Variants in ZMYND19 observed in about 807,000 individuals in gnomAD.
ZMYND19 encodes zinc finger MYND domain-containing protein 19.
Under a neutral mutation model 32.0 loss-of-function variants are expected in ZMYND19, and 17 were observed. The observed-to-expected ratio is 0.53, with a 90% CI of 0.36 to 0.80. The LOEUF is 0.80. ZMYND19 is among the 30% of genes least tolerant of loss of function. ZMYND19 has a pLI of 0.00. For missense variants in ZMYND19, 250 were observed against 293.6 expected, an observed-to-expected ratio of 0.85 and a Z score of 1.09; for synonymous variants, 124 against 113.6, an observed-to-expected ratio of 1.09 and a Z score of -0.58.
Position 137,586,637 on chromosome 9 carries a change from G to A in ZMYND19, c.359+330C>T, listed in dbSNP as rs111684859. 1.7e-4 allele frequency among the ~76,000 whole-genome samples: 26 copies of A among 152,286 alleles called. 1 individual carries two copies. The highest frequency in any genetic ancestry group is 4.8e-4 in the African/African-American group (20 of 41,546). On this transcript the variant is annotated intron_variant, in intron 4 of 5. Coordinates refer to ENST00000298585, the MANE Select transcript of ZMYND19 (RefSeq NM_138462.3). ...AAGGCTGATGCCTCCCAGGGGTGTG[G>A]GGCAGAAGCCCTGCTCACACCGAGT...
intron 4 of ZMYND19, among the ~76,000 whole-genome samples, chr9:137,586,550 G>C (rs1842207175): frequency 6.6e-6 from 1 of 151,658 alleles, no homozygotes; most frequent in African/African-American, 2.4e-5. Context: ...GGAATCCTGA[G>C]GTGAGAGAAG....
At chr9:137,589,521 C>T in intron 1 of ZMYND19, 4 of 985,480 alleles carry the variant, frequency 4.1e-6, no homozygotes, top group Non-Finnish European at 4.8e-6. Context: ...GCACAGGTGG[C>T]TCCGAGAAAC....
chr9:137,584,851 T>TG (rs1462384641), intron 4 of ZMYND19, among the ~76,000 whole-genome samples: 1 of 152,026 alleles, frequency 6.6e-6, no homozygotes, highest in East Asian at 1.9e-4. Flanking sequence ...GAGCCGGGAG[T>TG]GGGGGCGCAG....
Position 137,588,252 on chromosome 9 carries a change from C to T in ZMYND19, c.111+407G>A, listed in dbSNP as rs370176432. Among the ~76,000 whole-genome samples the T allele has an allele frequency of 8.3e-4, 127 of 152,262 alleles. 1 individual carries two copies. Among genetic ancestry groups the T allele is most frequent in the African/African-American group, 2.9e-3 (120 of 41,560 alleles). ...AGGAAGACCCCATGAGAGCAGAGAA[C>T]GGGAGGCAGCTGGGCAGCCAGGAGG... On this transcript the variant is annotated intron_variant, in intron 2 of 5. Coordinates refer to ENST00000298585, the MANE Select transcript of ZMYND19 (RefSeq NM_138462.3).
At chr9:137,587,446 C>T (rs1033143804) in intron 3 of ZMYND19, 9 of 593,046 alleles carry the variant, frequency 1.5e-5, no homozygotes, top group East Asian at 1.4e-4. Context: ...CGGGGGGGCT[C>T]GGCAAAACCC....
At chr9:137,588,939 G>A (rs190891012) in intron 1 of ZMYND19, 35 of 550,158 alleles carry the variant, frequency 6.4e-5, no homozygotes, top group Non-Finnish European at 9.8e-6. Context: ...TTAAAAGCCA[G>A]CTGCCCACTT....
intron 1 of ZMYND19, chr9:137,589,837 C>A (rs1842250364): frequency 1.0e-6 from 1 of 985,490 alleles, no homozygotes; most frequent in Non-Finnish European, 1.2e-6. Context: ...TGTGGCCGCA[C>A]TGGCAGCCCG....
intron 1 of ZMYND19, chr9:137,589,306 C>G (rs1842242368): frequency 1.0e-6 from 1 of 983,524 alleles, no homozygotes; most frequent in Non-Finnish European, 1.2e-6. Context: ...CAGGCCCTGC[C>G]TATGCTCTTG....
At position 137,583,038 on chromosome 9, in the gene ZMYND19, T is replaced by A; in HGVS notation, c.485A>T (p.Asn162Ile). The A allele has an allele frequency of 6.2e-7, 1 of 1,614,118 alleles. No homozygotes were observed. The highest frequency in any genetic ancestry group is 1.1e-5 in the South Asian group (1 of 91,084). Reference protein sequence around the residue: ...ANGDVVEEEENSCTYYECHYP... With the variant: ...ANGDVVEEEEISCTYYECHYP... ...GTGGCACTCATAGTAGGTGCAAGAG[T>A]TCTCCTCCTCTTCCACTACATCCCC... Residue 162 changes from asparagine (N) to isoleucine (I), a missense_variant, in exon 5 of 6, where the codon AAC becomes ATC. This residue lies in a region of ZMYND19 where 212 missense variants were observed against 218.8 expected (regional missense o/e 0.97). Transcript: ENST00000298585.
Position 137,590,003 on chromosome 9 carries a change from G to C in ZMYND19, c.51+210C>G. ...GCCGAGGGTGGCCAGGTGCACCCCAGAGCCGAGGGGTGCGTGCCCGCCGGC... is the reference window on the plus strand; with the variant it reads ...GCCGAGGGTGGCCAGGTGCACCCCACAGCCGAGGGGTGCGTGCCCGCCGGC... On this transcript the variant is annotated intron_variant, in intron 1 of 5. Transcript: ENST00000298585. The surrounding 1 kb of genome is among the most constrained non-coding windows in gnomAD (Gnocchi z 4.2). 2 of 985,196 alleles carry C rather than the reference G, an allele frequency of 2.0e-6. No individual in the cohort carries two copies. Among genetic ancestry groups the C allele is most frequent in the Non-Finnish European group, 2.4e-6 (2 of 829,798 alleles). The allele number at this position is 985,196 out of a possible 1,614,324, so 61.0% of individuals were successfully genotyped here. A position where few individuals can be genotyped will look rare whatever the true frequency, so the allele number is the denominator to read the frequency against.
chr9:137,582,441 G>A lies in ZMYND19; in HGVS notation c.*102C>T, dbSNP rs1264939310. The A allele has an allele frequency of 4.3e-5, 65 of 1,494,504 alleles. 1 individual carries two copies. Among genetic ancestry groups the A allele is most frequent in the East Asian group, 1.1e-4 (5 of 43,534 alleles). 92.6% of individuals were successfully genotyped at this position (1,494,504 alleles called of 1,614,324 possible). A position where few individuals can be genotyped will look rare whatever the true frequency, so the allele number is the denominator to read the frequency against. On this transcript the variant is annotated 3_prime_UTR_variant, in exon 6 of 6. Transcript: ENST00000298585. ...GTCTCACGGCAGCTGTCCTGGGCCC[G>A]CAGCTGGCTTTTTTGGCACCTCCAG... is the stretch of plus-strand genomic sequence containing the variant.
In ZMYND19 at chr9:137,582,960, C is replaced by T. The variant is rs753434327; in HGVS notation, c.540+23G>A. ...CTACAGGGTAGAGGTGCCAGGGACG[C>T]GACCGCACTGCAGCACACCCACCTG... On this transcript the variant is annotated intron_variant, in intron 5 of 5. Transcript: ENST00000298585. The T allele has an allele frequency of 1.3e-5, 21 of 1,611,840 alleles. No homozygotes were observed. In the South Asian group the frequency reaches 1.5e-4, roughly 12 times the overall value.
intron 4 of ZMYND19, among the ~76,000 whole-genome samples, chr9:137,584,803 G>A (rs879262803): frequency 2.0e-5 from 3 of 152,162 alleles, no homozygotes; most frequent in African/African-American, 7.2e-5. Context: ...GCTTCAGTCC[G>A]CAAGTGCTAG....
rs1351233654 is a variant in ZMYND19, at chr9:137,586,970, T to A, written c.356A>T (p.Gln119Leu). Reference sequence around the variant, plus strand: ...GCCAGGCCCTGAGAAGACCCACCTCTGCTTGCTGGAGGTCTCTTCAGCCTT... The same window carrying A: ...GCCAGGCCCTGAGAAGACCCACCTCAGCTTGCTGGAGGTCTCTTCAGCCTT... ...RPKAEETSSKQREQSLYWLAI... is the reference protein window; with the variant it reads ...RPKAEETSSKLREQSLYWLAI... Residue 119 changes from glutamine to leucine, a missense_variant, in exon 4 of 6, where the codon CAG (glutamine) becomes CTG (leucine). By Grantham distance (113) the Gln-to-Leu change is moderately radical. Around this residue, in one of 2 missense-constraint regions of ZMYND19, gnomAD observed 212 missense variants for 218.8 expected, o/e 0.97. Transcript: ENST00000298585. 1.2e-6 allele frequency: 2 copies of A among 1,612,076 alleles called. No individual in the cohort carries two copies. Among genetic ancestry groups the A allele is most frequent in the East Asian group, 4.5e-5 (2 of 44,884 alleles).
chr9:137,589,486 G>A (rs1358171498), intron 1 of ZMYND19: 5 of 985,332 alleles, frequency 5.1e-6, no homozygotes, highest in Admixed American at 6.1e-5. Context: ...CTCCCATCCG[G>A]GTAAGGACCC....
At chr9:137,587,223 G>A (rs1842215914) in intron 3 of ZMYND19, 116 bp from the exon 4 acceptor site, 3 of 1,493,846 alleles carry the variant, frequency 2.0e-6, no homozygotes, top group Non-Finnish European at 2.7e-6. Context: ...CATGTGATCT[G>A]ATCGGGCCCC....
In ZMYND19 at chr9:137,590,393, TCCGGGCGGGACG is replaced by T; in HGVS notation, c.-142_-131del. 1 of 528,270 alleles carries T rather than the reference TCCGGGCGGGACG, an allele frequency of 1.9e-6. No homozygotes were observed. The highest frequency in any genetic ancestry group is 2.4e-6 in the Non-Finnish European group (1 of 414,678). The allele number at this position is 528,270 out of a possible 1,614,324, so 32.7% of individuals were successfully genotyped here. ...GGGTCGGGGTAGCAGCCAGGCGGGC[TCCGGGCGGGACG>T]AGGCTGGGCCGGGCTCGGGCCTCCG... On this transcript the variant is annotated 5_prime_UTR_variant, in exon 1 of 6. Coordinates refer to ENST00000298585, the MANE Select transcript of ZMYND19 (RefSeq NM_138462.3). This position sits in a 1 kb window ranked among gnomAD's most constrained non-coding sequence, Gnocchi z 4.2.
In ZMYND19 at chr9:137,590,095, G is replaced by A. The variant is rs1842255292; in HGVS notation, c.51+118C>T. On this transcript the variant is annotated intron_variant, in intron 1 of 5. Transcript: ENST00000298585. This position sits in a 1 kb window ranked among gnomAD's most constrained non-coding sequence, Gnocchi z 4.2. Reference sequence around the variant, plus strand: ...CCCGCGCAGCGTCCCCCGCCCCGCTGGGGCCCATCCCGGGCTCCGCGCCCC... The same window carrying A: ...CCCGCGCAGCGTCCCCCGCCCCGCTAGGGCCCATCCCGGGCTCCGCGCCCC... 3 of 982,976 alleles carry A rather than the reference G, an allele frequency of 3.1e-6. No individual in the cohort carries two copies. Among genetic ancestry groups the A allele is most frequent in the Non-Finnish European group, 3.6e-6 (3 of 829,038 alleles). The allele number at this position is 982,976 out of a possible 1,614,324, so 60.9% of individuals were successfully genotyped here. A position where few individuals can be genotyped will look rare whatever the true frequency, so the allele number is the denominator to read the frequency against.
chr9:137,584,904 G>A (rs1256260851), intron 4 of ZMYND19, among the ~76,000 whole-genome samples: 1 of 152,154 alleles, frequency 6.6e-6, no homozygotes, highest in Non-Finnish European at 1.5e-5. Context: ...ATTTCAGTCA[G>A]GATACCAAAA....
Sources: allele counts gnomAD v4.1 joint callset (sites outside exome capture counted in the v4.1 genomes callset), GRCh38; gene constraint gnomAD v4.1.1; regional missense constraint gnomAD v4.1.1; non-coding constraint Gnocchi (gnomAD v3.1); transcripts MANE v1.5; gene names NCBI Gene and HGNC (gene_info 2026-07-23, HGNC 2026-07-21).